Variants in TRIM55 observed in about 807,000 individuals in gnomAD.
The protein encoded by TRIM55 is tripartite motif containing 55.
TRIM55 carries 50 observed loss-of-function variants against 60.9 expected under a neutral mutation model. The observed-to-expected ratio is 0.82, with a 90% confidence interval of 0.65 to 1.04. The LOEUF (loss-of-function observed/expected upper bound fraction) is 1.04. Among genes scored for constraint, TRIM55 ranks in the 50% least tolerant of loss-of-function variants. The pLI, the probability that TRIM55 is intolerant of heterozygous loss-of-function variation, is 0.00. For synonymous variants in TRIM55, 237 were observed against 238.1 expected, an observed-to-expected ratio of 1.00 and a Z score of 0.04; for missense variants, 681 against 666.9, an observed-to-expected ratio of 1.02 and a Z score of -0.23.
chr8:66,139,887 G>C (rs987510536), intron 4 of TRIM55, among the ~76,000 whole-genome samples: 12 of 152,186 alleles, frequency 7.9e-5, no homozygotes, highest in Non-Finnish European at 1.6e-4. Flanking sequence ...AGAAAGTACA[G>C]TCATGCACCA....
the TRIM55 span, among the ~76,000 whole-genome samples, chr8:66,116,076 T>C: frequency 3.3e-5 from 5 of 152,112 alleles, no homozygotes; most frequent in Non-Finnish European, 5.9e-5. Context: ...TAAATATATA[T>C]GGAAGTGCTT....
chr8:66,166,281 C>T, intron 9 of TRIM55, among the ~76,000 whole-genome samples: 1 of 152,042 alleles, frequency 6.6e-6, no homozygotes, highest in South Asian at 2.1e-4. Flanking sequence ...ATTCATTTCC[C>T]CTGGCAATCT....
At chr8:66,141,458 GTT>G in intron 4 of TRIM55, among the ~76,000 whole-genome samples, 2 of 152,228 alleles carry the variant, frequency 1.3e-5, no homozygotes, top group Non-Finnish European at 2.9e-5. Flanking sequence ...GCCTGGAGCT[GTT>G]CTGGAACAGA....
chr8:66,153,452 C>T (rs937757708), intron 8 of TRIM55, among the ~76,000 whole-genome samples: 4 of 152,180 alleles, frequency 2.6e-5, no homozygotes, highest in Admixed American at 6.5e-5. Context: ...AGTCCTGCTT[C>T]TGCAACTGCT....
At position 66,127,455 on chromosome 8, in the gene TRIM55, T is replaced by C. The variant is rs1409449247; in HGVS notation, c.168+19T>C. The C allele has an allele frequency of 6.2e-7, 1 of 1,612,676 alleles. No homozygotes were observed. The highest frequency in any genetic ancestry group is 2.2e-5 in the East Asian group (1 of 44,848). ...TTTCCAGGTAGGTTTGTTTGGAATT[T>C]GGTTGAGGGGAGGGGGTGGAAAAGA... On this transcript the variant is annotated intron_variant, in intron 1 of 9. Coordinates refer to ENST00000315962, the MANE Select transcript of TRIM55 (RefSeq NM_184085.2).
At position 66,134,981 on chromosome 8, in the gene TRIM55, T is replaced by C. The variant is rs1161642949; in HGVS notation, c.342-9T>C. 6.2e-7 allele frequency: 1 copy of C among 1,613,586 alleles called. No homozygotes were observed. Among genetic ancestry groups the C allele is most frequent in the East Asian group, 2.2e-5 (1 of 44,856 alleles). ...GCTGATGGACATTTATCTGCCTACC[T>C]CCTCCCAGGCCAGAAAAGAAATCCG... On this transcript the variant is annotated splice_polypyrimidine_tract_variant and intron_variant, in intron 2 of 9. Coordinates refer to ENST00000315962, the MANE Select transcript of TRIM55 (RefSeq NM_184085.2).
intron 4 of TRIM55, among the ~76,000 whole-genome samples, chr8:66,148,826 A>G (rs781581324): frequency 8.5e-5 from 13 of 152,206 alleles, no homozygotes; most frequent in Non-Finnish European, 1.5e-4. Flanking sequence ...AGGTGGGCGG[A>G]TCACTGTAGG....
In TRIM55 at chr8:66,149,643, A is replaced by G; in HGVS notation, c.604-2A>G. The G allele has an allele frequency of 1.2e-6, 2 of 1,610,810 alleles. No homozygotes were observed. ...TCTAACATTAGCTAACCCAACTAAT[A>G]GGAATGTTGCAGAAAACAGAAACAA... On this transcript the variant is annotated splice_acceptor_variant, in intron 4 of 9. Transcript: ENST00000315962. LOFTEE classifies it high-confidence loss of function.
intron 4 of TRIM55, among the ~76,000 whole-genome samples, chr8:66,144,160 T>C (rs972578593): frequency 6.6e-5 from 10 of 152,204 alleles, no homozygotes; most frequent in Non-Finnish European, 1.5e-4. Context: ...TAGGTCAATG[T>C]TAAATGTTAC....
intron 8 of TRIM55, 121 bp downstream of exon 8, chr8:66,152,748 T>C: frequency 3.0e-6 from 4 of 1,324,542 alleles, no homozygotes; most frequent in Middle Eastern, 2.8e-4. Flanking sequence ...CATTCGTATA[T>C]GGTAGACGAA....
chr8:66,114,059 C>T, the TRIM55 span, among the ~76,000 whole-genome samples: 5 of 140,592 alleles, frequency 3.6e-5, no homozygotes, highest in East Asian at 8.9e-4. Flanking sequence ...GTCGCTGGTT[C>T]GATTCCGGCT....
chr8:66,157,322 A>G (rs1312581650), intron 9 of TRIM55, among the ~76,000 whole-genome samples: 3 of 152,148 alleles, frequency 2.0e-5, no homozygotes, highest in Admixed American at 6.5e-5. Context: ...AGAGAAGGAC[A>G]CCTGTTCATG....
At chr8:66,142,482 G>A (rs1004581547) in intron 4 of TRIM55, among the ~76,000 whole-genome samples, 1 of 152,200 alleles carries the variant, frequency 6.6e-6, no homozygotes, top group African/African-American at 2.4e-5. Context: ...TGCTCAGTCT[G>A]ACAAGTGGCT....
chr8:66,155,781 G>A (rs1028527412), intron 9 of TRIM55: 2 of 1,071,448 alleles, frequency 1.9e-6, no homozygotes, highest in Non-Finnish European at 2.8e-6. Context: ...TCTTCTATAG[G>A]CCCAGAGATT....
At chr8:66,138,334 G>A (rs1192802065) in intron 4 of TRIM55, among the ~76,000 whole-genome samples, 1 of 152,120 alleles carries the variant, frequency 6.6e-6, no homozygotes, top group African/African-American at 2.4e-5. Flanking sequence ...ATGGTACTAT[G>A]TGGTATTTTT....
At chr8:66,128,591 GA>G in intron 2 of TRIM55, 115 bp downstream of exon 2, 1 of 1,203,826 alleles carries the variant, frequency 8.3e-7, no homozygotes, top group African/African-American at 1.5e-5. Context: ...CTGTTTTATG[GA>G]AAAATGGTTT....
the TRIM55 span, among the ~76,000 whole-genome samples, chr8:66,118,804 T>C: frequency 3.9e-5 from 6 of 152,188 alleles, no homozygotes; most frequent in Admixed American, 3.3e-4. Context: ...CACCAGCTCA[T>C]TGAAATCCCA....
chr8:66,151,541 G>T (rs910906942), intron 7 of TRIM55, among the ~76,000 whole-genome samples: 1 of 152,074 alleles, frequency 6.6e-6, no homozygotes, highest in Admixed American at 6.5e-5. Flanking sequence ...CCTTAATGTC[G>T]CCTGAGGGAA....
chr8:66,171,824 G>A (rs1304232269), intron 9 of TRIM55, among the ~76,000 whole-genome samples: 1 of 152,244 alleles, frequency 6.6e-6, no homozygotes, highest in Non-Finnish European at 1.5e-5. Flanking sequence ...TTATGAGGTA[G>A]CCATGTATGA....
Sources: allele counts gnomAD v4.1 joint callset (sites outside exome capture counted in the v4.1 genomes callset), GRCh38; gene constraint gnomAD v4.1.1; transcripts MANE v1.5; gene names NCBI Gene and HGNC (gene_info 2026-07-23, HGNC 2026-07-21).